Variants in MTCH1 observed in about 807,000 individuals in gnomAD.
MTCH1 encodes mitochondrial carrier 1.
MTCH1 carries 23 observed loss-of-function variants against 49.3 expected under a neutral mutation model. The ratio of observed to expected loss-of-function variants is 0.47; its 90% CI spans 0.34 to 0.66. MTCH1 has a LOEUF of 0.66. Among genes scored for constraint, MTCH1 ranks in the 30% least tolerant of loss-of-function variants. The pLI is 0.01. For synonymous variants in MTCH1, 229 were observed against 215.2 expected, an observed-to-expected ratio of 1.06 and a Z score of -0.56; for missense variants, 397 against 532.1, an observed-to-expected ratio of 0.75 and a Z score of 2.50.
chr6:36,977,382 G>T lies in MTCH1; in HGVS notation c.650-132C>A, dbSNP rs1763919801. On this transcript the variant is annotated intron_variant, in intron 5 of 11. Transcript: ENST00000373627. The surrounding 1 kb of genome is among the most constrained non-coding windows in gnomAD (Gnocchi z 5.4). ...ATTCAGAGAGCAGGAGAGGAAGAGG[G>T]CCTTTCGGATTCCCTGTTACACCCC... 1 of 930,240 alleles carries T rather than the reference G, an allele frequency of 1.1e-6. No homozygotes were observed. Among genetic ancestry groups the T allele is most frequent in the Admixed American group, 2.1e-5 (1 of 48,256 alleles). The allele number at this position is 930,240 out of a possible 1,614,324, so 57.6% of individuals were successfully genotyped here. A position where few individuals can be genotyped will look rare whatever the true frequency, so the allele number is the denominator to read the frequency against.
Position 36,977,804 on chromosome 6 carries a change from T to A in MTCH1, c.592-113A>T, listed in dbSNP as rs201600481. Reference sequence around the variant, plus strand: ...AGAAACCTGTCCCAGGGACTGCACATGGGGTCGGTCTGCCAAGGATGGCTC... The same window carrying A: ...AGAAACCTGTCCCAGGGACTGCACAAGGGGTCGGTCTGCCAAGGATGGCTC... On this transcript the variant is annotated intron_variant, in intron 4 of 11. Coordinates refer to ENST00000373627, the MANE Select transcript of MTCH1 (RefSeq NM_001271641.2). The surrounding 1 kb of genome is among the most constrained non-coding windows in gnomAD (Gnocchi z 5.4). 1.4e-4 allele frequency: 142 copies of A among 995,340 alleles called. No individual in the cohort carries two copies. In the East Asian group the frequency reaches 3.6e-3, roughly 26 times the overall value. The allele number at this position is 995,340 out of a possible 1,614,324, so 61.7% of individuals were successfully genotyped here.
At chr6:36,981,474 G>T in intron 2 of MTCH1, 114 bp downstream of exon 2, 1 of 923,340 alleles carries the variant, frequency 1.1e-6, no homozygotes, top group Non-Finnish European at 1.6e-6. Context: ...CTCCATGCCA[G>T]CTCGACTGCG....
chr6:36,981,551 G>A (rs896980204), intron 2 of MTCH1, 37 bp downstream of exon 2: 43 of 1,601,826 alleles, frequency 2.7e-5, no homozygotes, highest in Non-Finnish European at 3.5e-5. Context: ...CCTCTTTTCT[G>A]TTGGTGTGGG....
At chr6:36,974,769 A>G (rs769851040) in intron 7 of MTCH1, among the ~76,000 whole-genome samples, 9 of 152,188 alleles carry the variant, frequency 5.9e-5, no homozygotes. Context: ...GGCCATAAAT[A>G]AAAAACATCT....
chr6:36,978,794 C>T (rs576812830), intron 2 of MTCH1, among the ~76,000 whole-genome samples, 183 bp from the exon 3 acceptor site: 7 of 151,732 alleles, frequency 4.6e-5, no homozygotes, highest in African/African-American at 1.5e-4. Flanking sequence ...TCTTCTAGCC[C>T]ATTTCTTTTA....
chr6:36,982,855 A>G lies in MTCH1; in HGVS notation c.322-1183T>C, dbSNP rs532599894. 6.6e-6 allele frequency among the ~76,000 whole-genome samples: 1 copy of G among 152,332 alleles called. No homozygotes were observed. Among genetic ancestry groups the G allele is most frequent in the Non-Finnish European group, 1.5e-5 (1 of 68,022 alleles). ...GAGAAGGCTCCTTCCTCCCTTGGCA[A>G]GGGGCCAGGATACCAGCCCTGTGCC... On this transcript the variant is annotated intron_variant, in intron 1 of 11. Transcript: ENST00000373627. The surrounding 1 kb of genome is among the most constrained non-coding windows in gnomAD (Gnocchi z 4.1).
At position 36,972,077 on chromosome 6, in the gene MTCH1, G is replaced by A. The variant is rs564760141; in HGVS notation, c.906+575C>T. On this transcript the variant is annotated intron_variant, in intron 8 of 11. Transcript: ENST00000373627. The surrounding 1 kb of genome is among the most constrained non-coding windows in gnomAD (Gnocchi z 4.1). ...GGACTGTACACTTCCTAGCAGATCTGAAAAAACTCAGAGGAATGCACCCTT... is the reference window on the plus strand; with the variant it reads ...GGACTGTACACTTCCTAGCAGATCTAAAAAAACTCAGAGGAATGCACCCTT... 2.4e-4 allele frequency among the ~76,000 whole-genome samples: 36 copies of A among 152,238 alleles called. No homozygotes were observed. Among genetic ancestry groups the A allele is most frequent in the Admixed American group, 5.9e-4 (9 of 15,300 alleles).
At chr6:36,973,484 A>AT (rs201224650) in intron 7 of MTCH1, among the ~76,000 whole-genome samples, 13 of 150,918 alleles carry the variant, frequency 8.6e-5, no homozygotes, top group African/African-American at 2.5e-4. Flanking sequence ...TTGTTTTTGA[A>AT]TTAAAAAAAA....
chr6:36,973,429 C>T (rs1381968796), intron 7 of MTCH1, among the ~76,000 whole-genome samples: 2 of 151,560 alleles, frequency 1.3e-5, no homozygotes, highest in Non-Finnish European at 2.9e-5. Context: ...CTGGGAGGCT[C>T]GCCAGGAGAA....
chr6:36,970,309 C>A, intron 10 of MTCH1, 97 bp downstream of exon 10: 1 of 1,519,792 alleles, frequency 6.6e-7, no homozygotes, highest in Non-Finnish European at 9.1e-7. Context: ...ACACACAGAG[C>A]AGGTGGGAGG....
chr6:36,985,676 C>T (rs1007110019), intron 1 of MTCH1, among the ~76,000 whole-genome samples, 177 bp downstream of exon 1: 7 of 152,166 alleles, frequency 4.6e-5, no homozygotes, highest in Non-Finnish European at 8.8e-5. Flanking sequence ...GTGACCCCTG[C>T]GTTCCCAACT....
At chr6:36,978,466 A>G in intron 3 of MTCH1, 39 bp downstream of exon 3, 1 of 1,598,704 alleles carries the variant, frequency 6.3e-7, no homozygotes, top group Non-Finnish European at 8.6e-7. Flanking sequence ...GAGTATGAGG[A>G]AACCTCGGGC....
rs372502786 is a variant in MTCH1 at position 36,977,168 on chromosome 6, G to A, written c.701+31C>T. On this transcript the variant is annotated intron_variant, in intron 6 of 11. Transcript: ENST00000373627. This position sits in a 1 kb window ranked among gnomAD's most constrained non-coding sequence, Gnocchi z 5.4. Reference sequence around the variant, plus strand: ...CTGGCCGACTCTGAAAGGGTAACAGGGCCACTCTGCCAGTCCCAAGAGTTA... The same window carrying A: ...CTGGCCGACTCTGAAAGGGTAACAGAGCCACTCTGCCAGTCCCAAGAGTTA... 5.3e-5 allele frequency: 86 copies of A among 1,612,090 alleles called. No homozygotes were observed. The African/African-American group carries it at 1.1e-3, about 20-fold the overall frequency.
At chr6:36,981,420 G>A (rs998111060) in intron 2 of MTCH1, among the ~76,000 whole-genome samples, 168 bp downstream of exon 2, 2 of 152,160 alleles carry the variant, frequency 1.3e-5, no homozygotes, top group Non-Finnish European at 2.9e-5. Context: ...TCACCTGCTC[G>A]CACCCCGACA....
chr6:36,985,235 C>T (rs1433192877), intron 1 of MTCH1, among the ~76,000 whole-genome samples: 7 of 152,134 alleles, frequency 4.6e-5, no homozygotes, highest in Non-Finnish European at 7.3e-5. Context: ...CAACCCAAGA[C>T]CTCCGTCTCC....
intron 2 of MTCH1, among the ~76,000 whole-genome samples, chr6:36,980,880 G>A (rs952561396): frequency 6.6e-6 from 1 of 152,220 alleles, no homozygotes; most frequent in Admixed American, 6.5e-5. Context: ...CTGGCCAGAC[G>A]GCACCTGTGG....
intron 8 of MTCH1, among the ~76,000 whole-genome samples, chr6:36,971,102 C>T (rs115465296): frequency 7.5e-4 from 114 of 152,332 alleles, no homozygotes; most frequent in Non-Finnish European, 1.1e-3. Flanking sequence ...GCCACCTCCA[C>T]CTCAGCAAGC....
chr6:36,968,752 G>T lies in MTCH1; in HGVS notation c.*151C>A. On this transcript the variant is annotated 3_prime_UTR_variant, in exon 12 of 12. Transcript: ENST00000373627. The stretch of plus-strand genomic sequence containing the variant: ...CCACCCCCGCTCAACCCCACATCTG[G>T]ACAGACACATGGCAAATATGGAACT... The T allele has an allele frequency of 7.9e-7, 1 of 1,260,692 alleles. No homozygotes were observed. The highest frequency in any genetic ancestry group is 1.1e-6 in the Non-Finnish European group (1 of 886,744). 78.1% of individuals were successfully genotyped at this position (1,260,692 alleles called of 1,614,324 possible). A position where few individuals can be genotyped will look rare whatever the true frequency, so the allele number is the denominator to read the frequency against.
intron 1 of MTCH1, among the ~76,000 whole-genome samples, chr6:36,985,201 C>T (rs1308920348): frequency 6.6e-6 from 1 of 152,120 alleles, no homozygotes; most frequent in Non-Finnish European, 1.5e-5. Flanking sequence ...CCTTCGCACT[C>T]TCCCACCAAA....
Sources: gnomAD v4.1 joint callset for allele counts (sites outside exome capture counted in the v4.1 genomes callset) on GRCh38, gnomAD v4.1.1 for gene constraint, Gnocchi (gnomAD v3.1) non-coding constraint, MANE v1.5 for transcripts, NCBI Gene and HGNC (gene_info 2026-07-23, HGNC 2026-07-21) for gene names.